LYSMD1: variants seen among roughly 807,000 people sequenced by gnomAD.
LYSMD1 encodes lysM and putative peptidoglycan-binding domain-containing protein 1.
Under a neutral mutation model 19.3 loss-of-function variants are expected in LYSMD1, and 9 were observed. The ratio of observed to expected loss-of-function variants is 0.47; its 90% CI spans 0.28 to 0.81. The LOEUF is 0.81. Ranked by LOEUF, LYSMD1 falls within the 40% of genes least tolerant of loss-of-function variation. LYSMD1 has a pLI of 0.11. For missense variants in LYSMD1, 262 were observed against 279.8 expected (o/e 0.94, Z 0.45); for synonymous variants, 111 against 111.7 (o/e 0.99, Z 0.04).
At chr1:151,149,461 C>T in the LYSMD1 span, among the ~76,000 whole-genome samples, 39 of 152,102 alleles carry the variant, frequency 2.6e-4, no homozygotes, top group Admixed American at 2.6e-3. Context: ...GAAAATCACA[C>T]AGTCCTGGCC....
At chr1:151,148,796 G>A in the LYSMD1 span, among the ~76,000 whole-genome samples, 1 of 152,140 alleles carries the variant, frequency 6.6e-6, no homozygotes, top group Non-Finnish European at 1.5e-5. Context: ...CTGTGAGGCT[G>A]GTGTGTGGGA....
intron 1 of LYSMD1, 124 bp downstream of exon 1, chr1:151,164,955 A>G: frequency 1.3e-6 from 1 of 782,874 alleles, no homozygotes; most frequent in Non-Finnish European, 2.1e-6. Flanking sequence ...ACAAAGATAA[A>G]GGCAGAACAG....
downstream of LYSMD1, among the ~76,000 whole-genome samples, chr1:151,157,296 C>G (rs1683257666): frequency 1.3e-5 from 2 of 152,232 alleles, no homozygotes; most frequent in South Asian, 4.1e-4. Flanking sequence ...AAAACCCCCA[C>G]AGTCTCCACC....
downstream of LYSMD1, among the ~76,000 whole-genome samples, chr1:151,155,489 A>G (rs1316359588): frequency 6.6e-6 from 1 of 152,160 alleles, no homozygotes; most frequent in Non-Finnish European, 1.5e-5. Flanking sequence ...TAATCCCAAC[A>G]CTTTGGGAGA....
rs587677866 is a variant in LYSMD1, at chr1:151,165,491, C to T, written c.-233G>A. On this transcript the variant is annotated 5_prime_UTR_variant, in exon 1 of 3. Coordinates refer to ENST00000368908, the MANE Select transcript of LYSMD1 (RefSeq NM_212551.5). ...AGTATTCAGTCCCTCCCTAATTCTC[C>T]CCTAAGCACCCCTCCGACTTTGGAC... The T allele has an allele frequency of 1.4e-6, 2 of 1,438,872 alleles. No individual in the cohort carries two copies. Among genetic ancestry groups the T allele is most frequent in the East Asian group, 5.0e-5 (2 of 40,082 alleles). 89.1% of individuals were successfully genotyped at this position (1,438,872 alleles called of 1,614,324 possible).
At chr1:151,163,714 G>T (rs1260411010) in intron 1 of LYSMD1, among the ~76,000 whole-genome samples, 1 of 151,840 alleles carries the variant, frequency 6.6e-6, no homozygotes, top group Non-Finnish European at 1.5e-5. Flanking sequence ...TTGTTGTAGA[G>T]ATGGGGTTTC....
intron 1 of LYSMD1, 58 bp downstream of exon 1, chr1:151,165,021 C>A: frequency 6.7e-7 from 1 of 1,492,968 alleles, no homozygotes; most frequent in Non-Finnish European, 9.2e-7. Context: ...CCACTACATT[C>A]TTCTCAGGAC....
chr1:151,160,831 C>T lies in LYSMD1; in HGVS notation c.*51G>A, dbSNP rs760235600. 3 of 1,587,528 alleles carry T rather than the reference C, an allele frequency of 1.9e-6. No homozygotes were observed. Among genetic ancestry groups the T allele is most frequent in the African/African-American group, 1.3e-5 (1 of 74,554 alleles). On this transcript the variant is annotated 3_prime_UTR_variant, in exon 3 of 3. Transcript: ENST00000368908. ...GAGCCTCACCTCAGGCTCCTCTCCCCCTGAAGTTTCTCTTTCAACATCTTG... is the reference window on the plus strand; with the variant it reads ...GAGCCTCACCTCAGGCTCCTCTCCCTCTGAAGTTTCTCTTTCAACATCTTG...
Position 151,160,205 on chromosome 1 carries a change from C to A in LYSMD1, c.*677G>T. Reference sequence around the variant, plus strand: ...AAAAAGTTACAGGGAATTGGTTTGTCAAGACTGAGCCCATTCAACAGGAAT... The same window carrying A: ...AAAAAGTTACAGGGAATTGGTTTGTAAAGACTGAGCCCATTCAACAGGAAT... On this transcript the variant is annotated 3_prime_UTR_variant, in exon 3 of 3. Transcript: ENST00000368908. 1 of 85,394 alleles carries A rather than the reference C, an allele frequency of 1.2e-5. No individual in the cohort carries two copies. Among genetic ancestry groups the A allele is most frequent in the African/African-American group, 3.6e-5 (1 of 27,424 alleles). The allele number at this position is 85,394 out of a possible 1,614,324, so 5.3% of individuals were successfully genotyped here.
Position 151,160,140 on chromosome 1 carries a change from G to A in LYSMD1, c.*742C>T, listed in dbSNP as rs1162436867. The stretch of plus-strand genomic sequence containing the variant: ...TGAACTGGTAGAATGGAGAGTTCAG[G>A]TCCCTACAGTGCTGCTTTTTCTCAG... On this transcript the variant is annotated 3_prime_UTR_variant, in exon 3 of 3. Coordinates refer to ENST00000368908, the MANE Select transcript of LYSMD1 (RefSeq NM_212551.5). The A allele has an allele frequency of 6.7e-6, 1 of 148,672 alleles. No individual in the cohort carries two copies. The highest frequency in any genetic ancestry group is 6.9e-5 in the Admixed American group (1 of 14,588). The allele number at this position is 148,672 out of a possible 1,614,324, so 9.2% of individuals were successfully genotyped here. A position where few individuals can be genotyped will look rare whatever the true frequency, so the allele number is the denominator to read the frequency against.
chr1:151,158,761 G>A (rs1422669892), downstream of LYSMD1: 1 of 1,613,838 alleles, frequency 6.2e-7, no homozygotes, highest in Admixed American at 1.7e-5. Context: ...GAGTAAGATG[G>A]CGGGTCGCTC....
At chr1:151,158,836 A>G, downstream of LYSMD1, 1 of 1,614,154 alleles carries the variant, frequency 6.2e-7, no homozygotes, top group South Asian at 1.1e-5. Flanking sequence ...CCGTGTGTCC[A>G]AGGAGTACAC....
the LYSMD1 span, among the ~76,000 whole-genome samples, chr1:151,151,156 G>C: frequency 6.6e-6 from 1 of 152,010 alleles, no homozygotes; most frequent in Non-Finnish European, 1.5e-5. Flanking sequence ...ATCCGACAAT[G>C]AGAACAGTTA....
At chr1:151,150,917 T>G in the LYSMD1 span, among the ~76,000 whole-genome samples, 11 of 151,816 alleles carry the variant, frequency 7.2e-5, no homozygotes, top group South Asian at 1.7e-3. Context: ...TTTTATATTT[T>G]TAGTAGAGAC....
At chr1:151,164,290 A>G (rs1683573508) in intron 1 of LYSMD1, among the ~76,000 whole-genome samples, 1 of 152,202 alleles carries the variant, frequency 6.6e-6, no homozygotes, top group African/African-American at 2.4e-5. Context: ...CATAAATTAC[A>G]TGAGGACAGC....
the LYSMD1 span, among the ~76,000 whole-genome samples, chr1:151,150,515 C>T: frequency 6.6e-6 from 1 of 152,116 alleles, no homozygotes; most frequent in Non-Finnish European, 1.5e-5. Flanking sequence ...AGGCCACCAA[C>T]GACCTCCTGG....
At chr1:151,164,867 G>A (rs1447060992) in intron 1 of LYSMD1, among the ~76,000 whole-genome samples, 4 of 152,212 alleles carry the variant, frequency 2.6e-5, no homozygotes, top group African/African-American at 9.7e-5. Context: ...TCAGCACAGT[G>A]TCTGGCATAA....
At chr1:151,153,007 G>A in the LYSMD1 span, among the ~76,000 whole-genome samples, 4 of 152,190 alleles carry the variant, frequency 2.6e-5, no homozygotes, top group Non-Finnish European at 4.4e-5. Flanking sequence ...ACAGTGGAAA[G>A]AGCACCATTG....
rs751065511 is a variant in LYSMD1 at position 151,165,249 on chromosome 1, G to A, written c.10C>T (p.Pro4Ser). 14 of 1,612,082 alleles carry A rather than the reference G, an allele frequency of 8.7e-6. No individual in the cohort carries two copies. Among genetic ancestry groups the A allele is most frequent in the Non-Finnish European group, 1.2e-5 (14 of 1,178,948 alleles). Residue 4 changes from proline to serine, a missense_variant, in exon 1 of 3, where the codon CCG becomes TCG. By Grantham distance (74) the Pro-to-Ser change is moderately conservative (BLOSUM62 -1). Transcript: ENST00000368908. ...CCCCCTGGCGGGGGCTGTCTAGACG[G>A]GGAAGCCATCTCTTCACCCTGCCAA... is the stretch of plus-strand genomic sequence containing the variant. MAS[P>S]SRQPPPGGSG...
Sources: gnomAD v4.1 joint callset for allele counts (sites outside exome capture counted in the v4.1 genomes callset) on GRCh38, gnomAD v4.1.1 for gene constraint, MANE v1.5 for transcripts, NCBI Gene and HGNC (gene_info 2026-07-23, HGNC 2026-07-21) for gene names.